The following EVA1C variants were observed in gnomAD, a reference collection of about 807,000 sequenced individuals.
The protein encoded by EVA1C is protein eva-1 homolog C.
Under a neutral mutation model 45.4 loss-of-function variants are expected in EVA1C, and 25 were observed. That is an observed-to-expected ratio of 0.55 (90% CI 0.40 to 0.77). The LOEUF is 0.77. Among genes scored for constraint, EVA1C ranks in the 30% least tolerant of loss-of-function variants. EVA1C has a pLI of 0.00. For synonymous variants in EVA1C, 190 were observed against 221.2 expected (o/e 0.86, Z 1.25); for missense variants, 479 against 554.8 (o/e 0.86, Z 1.37).
chr21:32,483,752 C>T (rs1378410148), intron 4 of EVA1C, among the ~76,000 whole-genome samples: 1 of 152,186 alleles, frequency 6.6e-6, no homozygotes, highest in African/African-American at 2.4e-5. Context: ...ACCATGAATT[C>T]ATTCATTAAG....
intron 1 of EVA1C, among the ~76,000 whole-genome samples, chr21:32,450,068 C>T (rs2035522554): frequency 6.6e-6 from 1 of 152,194 alleles, no homozygotes; most frequent in Admixed American, 6.5e-5. Context: ...CAATTCTATG[C>T]ACTGAGCTTC....
In EVA1C at chr21:32,412,981, C is replaced by T; in HGVS notation, c.128C>T (p.Ser43Phe). Residue 43 changes from serine to phenylalanine, a missense_variant, in exon 1 of 8, where the codon TCC (serine) becomes TTC (phenylalanine). Physicochemically the swap from Ser to Phe is radical, Grantham distance 155 (BLOSUM62 -2). Transcript: ENST00000300255. Reference sequence around the variant, plus strand: ...TTCTACTGCACTGTCCTGGTCTGCTCCAAAGAGATCTCAGCGCTCACCGAC... The same window carrying T: ...TTCTACTGCACTGTCCTGGTCTGCTTCAAAGAGATCTCAGCGCTCACCGAC... ...RLFYCTVLVC[S>F]KEISALTDFS... is the part of the protein sequence containing the mutation. The T allele has an allele frequency of 6.7e-7, 1 of 1,492,328 alleles. No homozygotes were observed. Among genetic ancestry groups the T allele is most frequent in the South Asian group, 1.3e-5 (1 of 76,188 alleles). 92.4% of individuals were successfully genotyped at this position (1,492,328 alleles called of 1,614,324 possible). A position where few individuals can be genotyped will look rare whatever the true frequency, so the allele number is the denominator to read the frequency against.
chr21:32,495,137 G>C lies in EVA1C; in HGVS notation c.745G>C (p.Val249Leu). Residue 249 changes from valine (V) to leucine (L), a missense_variant, in exon 5 of 8, where the codon GTG (valine) becomes CTG (leucine). By Grantham distance (32) the Val-to-Leu change is conservative. Transcript: ENST00000300255. ...HHFGSPCLPG[V>L]KKYLTVTYAC... Reference sequence around the variant, plus strand: ...TTTTGGAAGCCCCTGTTTGCCAGGCGTGAAAAAATACCTCACTGTGACCTA... The same window carrying C: ...TTTTGGAAGCCCCTGTTTGCCAGGCCTGAAAAAATACCTCACTGTGACCTA... The C allele has an allele frequency of 6.2e-7, 1 of 1,614,082 alleles. No individual in the cohort carries two copies. The highest frequency in any genetic ancestry group is 8.5e-7 in the Non-Finnish European group (1 of 1,180,004).
At chr21:32,426,735 C>T (rs545473827) in intron 1 of EVA1C, among the ~76,000 whole-genome samples, 1 of 152,272 alleles carries the variant, frequency 6.6e-6, no homozygotes, top group Admixed American at 6.5e-5. Flanking sequence ...CCAGAGGCCT[C>T]AAGACTGCAG....
chr21:32,442,341 C>T (rs926404393), intron 1 of EVA1C, among the ~76,000 whole-genome samples: 1 of 152,112 alleles, frequency 6.6e-6, no homozygotes, highest in Admixed American at 6.5e-5. Flanking sequence ...TAGTCTCACA[C>T]CTGGGACTAG....
intron 4 of EVA1C, 60 bp from the exon 5 acceptor site, chr21:32,494,967 G>A: frequency 2.0e-6 from 3 of 1,531,878 alleles, no homozygotes; most frequent in Admixed American, 3.4e-5. Context: ...AATGCTGTAG[G>A]CTATGTGGTG....
intron 6 of EVA1C, among the ~76,000 whole-genome samples, chr21:32,502,537 G>A (rs1187798465): frequency 5.9e-5 from 9 of 152,152 alleles, no homozygotes; most frequent in East Asian, 1.9e-4. Flanking sequence ...CAGAGACCCC[G>A]TAGAGCATCT....
intron 4 of EVA1C, among the ~76,000 whole-genome samples, chr21:32,484,653 C>T (rs927946893): frequency 2.0e-5 from 3 of 152,318 alleles, no homozygotes; most frequent in Non-Finnish European, 2.9e-5. Flanking sequence ...GTGAATTCCT[C>T]CCCTACTTAG....
chr21:32,513,742 T>C (rs1485810843), intron 7 of EVA1C, among the ~76,000 whole-genome samples: 1 of 151,766 alleles, frequency 6.6e-6, no homozygotes, highest in East Asian at 1.9e-4. Flanking sequence ...GGTTTCACCA[T>C]GTTGCCCAAG....
chr21:32,501,619 C>G (rs8132528), intron 6 of EVA1C, 124 bp downstream of exon 6: 1 of 1,242,454 alleles, frequency 8.0e-7, no homozygotes, highest in Non-Finnish European at 1.1e-6. Context: ...TTTGAGGTAC[C>G]GGTCCTGGTG....
intron 3 of EVA1C, among the ~76,000 whole-genome samples, chr21:32,463,790 A>G (rs201075936): frequency 1.8e-5 from 1 of 57,020 alleles, no homozygotes; most frequent in Admixed American, 2.3e-4. Flanking sequence ...ATAAAAAAAG[A>G]AAAAAAAAAG....
rs1305583548 is a variant in EVA1C at position 32,495,135 on chromosome 21, G to A, written c.743G>A (p.Gly248Asp). 1 of 1,614,124 alleles carries A rather than the reference G, an allele frequency of 6.2e-7. No individual in the cohort carries two copies. The highest frequency in any genetic ancestry group is 1.7e-5 in the Admixed American group (1 of 60,012). The change falls in exon 5 of 8, where the codon GGC (glycine) becomes GAC (aspartate). Residue 248 changes from glycine (G) to aspartate (D), a missense_variant. Coordinates refer to ENST00000300255, the MANE Select transcript of EVA1C (RefSeq NM_058187.5). ...NHHFGSPCLPGVKKYLTVTYA... is the reference protein window; with the variant it reads ...NHHFGSPCLPDVKKYLTVTYA... ...CATTTTGGAAGCCCCTGTTTGCCAG[G>A]CGTGAAAAAATACCTCACTGTGACC...
chr21:32,469,368 A>C (rs570259943), intron 4 of EVA1C, among the ~76,000 whole-genome samples: 2 of 152,250 alleles, frequency 1.3e-5, no homozygotes, highest in East Asian at 3.9e-4. Flanking sequence ...GGAGGTGAGA[A>C]AGTGAGCCTG....
chr21:32,511,419 C>CAAAAAAAAAAAAAA (rs749141703), intron 7 of EVA1C, among the ~76,000 whole-genome samples: 3 of 47,584 alleles, frequency 6.3e-5, no homozygotes, highest in Admixed American at 2.9e-4. Flanking sequence ...AACTCCGTCT[C>CAAAAAAAAAAAAAA]AAAAAAAAAA....
chr21:32,496,903 G>A, intron 5 of EVA1C: 1 of 1,238,878 alleles, frequency 8.1e-7, no homozygotes, highest in Non-Finnish European at 1.2e-6. Flanking sequence ...GAGTGAGCCA[G>A]TTTCTTTGTC....
At position 32,412,818 on chromosome 21, in the gene EVA1C, C is replaced by T; in HGVS notation, c.-36C>T. The T allele has an allele frequency of 7.3e-7, 1 of 1,363,192 alleles. No individual in the cohort carries two copies. The highest frequency in any genetic ancestry group is 1.8e-5 in the South Asian group (1 of 56,624). The allele number at this position is 1,363,192 out of a possible 1,614,324, so 84.4% of individuals were successfully genotyped here. On this transcript the variant is annotated 5_prime_UTR_variant, in exon 1 of 8. Coordinates refer to ENST00000300255, the MANE Select transcript of EVA1C (RefSeq NM_058187.5). ...TTAGCCCTGCGACCCCCAGCGCGTC[C>T]CGGGCCTGCGCCTCCGCCCCGCCGC...
At chr21:32,445,581 T>C (rs2035334523) in intron 1 of EVA1C, among the ~76,000 whole-genome samples, 1 of 152,196 alleles carries the variant, frequency 6.6e-6, no homozygotes, top group African/African-American at 2.4e-5. Flanking sequence ...CACTGGTCTT[T>C]CTATAGTCAC....
rs144864280 is a variant in EVA1C at position 32,457,624 on chromosome 21, C to T, written c.385C>T (p.Arg129Trp). ...GGTGCTGGACGAATGCCAGAACCAG[C>T]GGGCCTGCCACCTCCTGGTCAATAG... ...QKVLDECQNQ[R>W]ACHLLVNSRV... is the part of the protein sequence containing the mutation. Residue 129 changes from arginine (R) to tryptophan (W), a missense_variant, in exon 3 of 8, where the codon CGG becomes TGG. Physicochemically the swap from Arg to Trp is moderately radical, Grantham distance 101. This residue lies in a region of EVA1C where 366 missense variants were observed against 426.1 expected (regional missense o/e 0.86). Coordinates refer to ENST00000300255, the MANE Select transcript of EVA1C (RefSeq NM_058187.5). The T allele has an allele frequency of 1.4e-4, 223 of 1,614,054 alleles. No individual in the cohort carries two copies. Among genetic ancestry groups the T allele is most frequent in the Non-Finnish European group, 1.8e-4 (207 of 1,180,014 alleles).
chr21:32,430,083 G>A (rs2034640803), intron 1 of EVA1C, among the ~76,000 whole-genome samples: 1 of 152,180 alleles, frequency 6.6e-6, no homozygotes. Context: ...GGGCACCTGG[G>A]ATCAGGCGTG....
Sources: allele counts gnomAD v4.1 joint callset (sites outside exome capture counted in the v4.1 genomes callset), GRCh38; gene constraint gnomAD v4.1.1; regional missense constraint gnomAD v4.1.1; transcripts MANE v1.5; gene names NCBI Gene and HGNC (gene_info 2026-07-23, HGNC 2026-07-21).